Variants in GRM8 observed in about 807,000 individuals in gnomAD.
GRM8 encodes metabotropic glutamate receptor 8.
Under a neutral mutation model 87.2 loss-of-function variants are expected in GRM8, and 47 were observed. That is an observed-to-expected ratio of 0.54 (90% CI 0.43 to 0.69). The LOEUF (loss-of-function observed/expected upper bound fraction) is 0.69. Ranked by LOEUF, GRM8 falls within the 30% of genes least tolerant of loss-of-function variation. The probability of loss-of-function intolerance (pLI) is 0.00; values close to 1 mark genes in which losing one functional copy is unlikely to be tolerated. For missense variants in GRM8, 1,019 were observed against 1,139.2 expected, an observed-to-expected ratio of 0.89 and a Z score of 1.52; for synonymous variants, 396 against 404.5, an observed-to-expected ratio of 0.98 and a Z score of 0.25.
chr7:126,843,894 G>C (rs759940987), intron 6 of GRM8, among the ~76,000 whole-genome samples: 5 of 152,180 alleles, frequency 3.3e-5, no homozygotes, highest in Non-Finnish European at 7.4e-5. Flanking sequence ...TGAACACACT[G>C]TGTTCTCATC....
intron 7 of GRM8, among the ~76,000 whole-genome samples, chr7:126,618,696 A>G (rs1799789071): frequency 6.6e-6 from 1 of 152,110 alleles, no homozygotes; most frequent in Admixed American, 6.6e-5. Context: ...AAACAACCCC[A>G]TCAACAAGTG....
chr7:127,246,481 G>C (rs1251068364), intron 1 of GRM8, among the ~76,000 whole-genome samples: 2 of 152,178 alleles, frequency 1.3e-5, no homozygotes, highest in African/African-American at 2.4e-5. Flanking sequence ...CAATCTCAGA[G>C]GGGGACAAAT....
intron 3 of GRM8, among the ~76,000 whole-genome samples, chr7:126,914,104 G>A (rs766633605): frequency 3.9e-5 from 6 of 152,068 alleles, no homozygotes; most frequent in Non-Finnish European, 8.8e-5. Context: ...ACTGTGAAAC[G>A]GGACTGCAAC....
chr7:126,843,426 C>G (rs1041699743), intron 6 of GRM8, among the ~76,000 whole-genome samples: 3 of 152,168 alleles, frequency 2.0e-5, no homozygotes, highest in Non-Finnish European at 2.9e-5. Flanking sequence ...AATTGAGATC[C>G]AAGTGAAATG....
intron 6 of GRM8, among the ~76,000 whole-genome samples, chr7:126,864,034 C>CT (rs35544185): frequency 0.91 from 107,001 of 117,806 alleles, 49,318 homozygotes; most frequent in Non-Finnish European, 0.96. Context: ...CTATGTGTGG[C>CT]TTTTTTTTTT....
At chr7:126,812,391 G>A (rs1038723168) in intron 6 of GRM8, among the ~76,000 whole-genome samples, 3 of 151,856 alleles carry the variant, frequency 2.0e-5, no homozygotes, top group Admixed American at 1.3e-4. Flanking sequence ...ACACCCTAGC[G>A]CTCCTAGGCT....
At chr7:126,791,668 T>A (rs193282637) in intron 6 of GRM8, among the ~76,000 whole-genome samples, 132 of 152,376 alleles carry the variant, frequency 8.7e-4, no homozygotes, top group African/African-American at 3.1e-3. Flanking sequence ...AATTTGCTCA[T>A]AGTCATTATT....
At chr7:127,203,830 G>A (rs1475424287) in intron 2 of GRM8, among the ~76,000 whole-genome samples, 2 of 151,910 alleles carry the variant, frequency 1.3e-5, no homozygotes, top group Non-Finnish European at 2.9e-5. Flanking sequence ...GCATGCATTG[G>A]TTTACCAAAG....
chr7:127,004,560 T>C (rs1205699615), intron 3 of GRM8, among the ~76,000 whole-genome samples: 2 of 151,670 alleles, frequency 1.3e-5, no homozygotes, highest in Non-Finnish European at 3.0e-5. Context: ...AACCTGTATA[T>C]TGAAAGGACA....
chr7:127,236,746 C>T (rs1460441132), intron 2 of GRM8, among the ~76,000 whole-genome samples: 1 of 152,152 alleles, frequency 6.6e-6, no homozygotes, highest in Non-Finnish European at 1.5e-5. Context: ...ATACTTCTTT[C>T]CTATCTATTC....
At chr7:126,567,955 A>T (rs528133242) in intron 8 of GRM8, among the ~76,000 whole-genome samples, 3 of 152,164 alleles carry the variant, frequency 2.0e-5, no homozygotes, top group Non-Finnish European at 4.4e-5. Context: ...ATGGTGAATT[A>T]ATTTTAATAG....
chr7:126,497,091 A>G (rs1201082121), intron 9 of GRM8, among the ~76,000 whole-genome samples: 2 of 151,728 alleles, frequency 1.3e-5, no homozygotes, highest in East Asian at 2.0e-4. Flanking sequence ...ACAAATAGCA[A>G]GGGTTGGGCA....
chr7:126,727,704 TACACACAC>T lies in GRM8; in HGVS notation c.1357+42153_1357+42160del, dbSNP rs3038844. On this transcript the variant is annotated intron_variant, in intron 7 of 10. Transcript: ENST00000339582. ...GAAAACACTTGCTCATCTGAAATCA[TACACACAC>T]ACACACACACACACACACACACACA... Among the ~76,000 whole-genome samples the T allele has an allele frequency of 3.6e-3, 514 of 141,876 alleles. 5 individuals carry two copies. The South Asian group carries it at 0.037, about 10-fold the overall frequency. 93.1% of individuals were successfully genotyped at this position (141,876 alleles called of 152,430 possible). A position where few individuals can be genotyped will look rare whatever the true frequency, so the allele number is the denominator to read the frequency against.
intron 9 of GRM8, chr7:126,513,000 C>A (rs983099546): frequency 2.0e-5 from 3 of 152,078 alleles, no homozygotes; most frequent in Admixed American, 6.6e-5. Flanking sequence ...AATGGCAGAG[C>A]CAATATATCC....
chr7:126,804,646 C>T (rs28712510), intron 6 of GRM8, among the ~76,000 whole-genome samples: 2,901 of 152,286 alleles, frequency 0.019, 96 homozygotes, highest in African/African-American at 0.066. Flanking sequence ...TGCATTTTAT[C>T]CTCATTAAGG....
intron 2 of GRM8, among the ~76,000 whole-genome samples, chr7:127,136,455 T>C (rs1339380189): frequency 6.6e-6 from 1 of 152,136 alleles, no homozygotes; most frequent in Non-Finnish European, 1.5e-5. Context: ...TTCAACTGTG[T>C]GTTATAAAGC....
At chr7:126,851,650 G>C (rs1563249389) in intron 6 of GRM8, among the ~76,000 whole-genome samples, 3 of 152,012 alleles carry the variant, frequency 2.0e-5, no homozygotes, top group African/African-American at 7.2e-5. Flanking sequence ...CTTTGCAATG[G>C]TCTTCTCTGC....
At chr7:127,185,965 C>T (rs971180280) in intron 2 of GRM8, among the ~76,000 whole-genome samples, 1 of 152,086 alleles carries the variant, frequency 6.6e-6, no homozygotes, top group African/African-American at 2.4e-5. Context: ...CTGATTTGAG[C>T]CTTAACAGGG....
chr7:127,029,388 T>C (rs1048889813), intron 3 of GRM8, among the ~76,000 whole-genome samples: 39 of 152,176 alleles, frequency 2.6e-4, no homozygotes, highest in Non-Finnish European at 4.9e-4. Context: ...TGGATATCCT[T>C]GTTAATTTTC....
Sources: allele counts gnomAD v4.1 joint callset (sites outside exome capture counted in the v4.1 genomes callset), GRCh38; gene constraint gnomAD v4.1.1; transcripts MANE v1.5; gene names NCBI Gene and HGNC (gene_info 2026-07-23, HGNC 2026-07-21).